USP34: variants seen among roughly 807,000 people sequenced by gnomAD.
USP34 encodes ubiquitin specific peptidase 34.
In USP34, 70 loss-of-function variants were observed where a neutral mutation model predicts 460.3. The ratio of observed to expected loss-of-function variants is 0.15; its 90% CI spans 0.13 to 0.19. The LOEUF is 0.19. Among genes scored for constraint, USP34 ranks in the 10% least tolerant of loss-of-function variants. The probability of loss-of-function intolerance (pLI) is 1.00; values close to 1 mark genes in which losing one functional copy is unlikely to be tolerated. For missense variants in USP34, 3,985 were observed against 4,236.2 expected, an observed-to-expected ratio of 0.94 and a Z score of 1.65; for synonymous variants, 1,647 against 1,405.3, an observed-to-expected ratio of 1.17 and a Z score of -3.85.
At chr2:61,459,861 A>G (rs1264045600) in intron 1 of USP34, among the ~76,000 whole-genome samples, 1 of 152,038 alleles carries the variant, frequency 6.6e-6, no homozygotes, top group African/African-American at 2.4e-5. Context: ...GGAGATCAAG[A>G]CCATCCTGAT....
At chr2:61,325,349 T>A (rs2593624) in intron 21 of USP34, 26 bp downstream of exon 21, 985,836 of 1,454,334 alleles carry the variant, frequency 0.68, 336,714 homozygotes, top group South Asian at 0.79. Flanking sequence ...AACAGATTTT[T>A]AAAAAGTACT....
intron 62 of USP34, among the ~76,000 whole-genome samples, chr2:61,226,429 G>A (rs529602025): frequency 6.6e-6 from 1 of 152,078 alleles, no homozygotes; most frequent in East Asian, 1.9e-4. Flanking sequence ...AATGAGGTTT[G>A]GTTGTACATA....
At chr2:61,342,471 AT>A (rs111228767) in intron 16 of USP34, among the ~76,000 whole-genome samples, 140 of 143,348 alleles carry the variant, frequency 9.8e-4, no homozygotes, top group Middle Eastern at 3.6e-3. Context: ...CAGCTAATTT[AT>A]TTTTTTTTTT....
chr2:61,190,617 A>T lies in USP34; in HGVS notation c.9630T>A (p.Asp3210Glu), dbSNP rs1308822944. 9.3e-6 allele frequency: 15 copies of T among 1,613,892 alleles called. No individual in the cohort carries two copies. The Admixed American group carries it at 2.3e-4, about 25-fold the overall frequency. ...SKNCIKLLCE[D>E]PVFAEYIKCI... is the part of the protein sequence containing the mutation. The stretch of plus-strand genomic sequence containing the variant: ...ATTTAATATATTCTGCGAAAACAGG[A>T]TCTTCACACAAAAGCTTGATGCAGT... The change falls in exon 77 of 80, where the codon GAT (aspartate) becomes GAA (glutamate). Residue 3210 changes from aspartate to glutamate, a missense_variant. This residue lies in a region of USP34 where 506 missense variants were observed against 439.0 expected (regional missense o/e 1.15). Transcript: ENST00000398571.
intron 13 of USP34, 125 bp downstream of exon 13, chr2:61,349,125 T>C (rs749113033): frequency 6.2e-5 from 76 of 1,227,344 alleles, no homozygotes; most frequent in Non-Finnish European, 8.1e-5. Flanking sequence ...TGTTAAAGGT[T>C]TACATCTCCT....
chr2:61,353,146 G>T (rs1042852557), intron 10 of USP34, among the ~76,000 whole-genome samples: 2 of 152,294 alleles, frequency 1.3e-5, no homozygotes, highest in Admixed American at 1.3e-4. Flanking sequence ...CTGGAGACAG[G>T]TGGGCAGTAA....
In USP34 at chr2:61,341,003, C is replaced by A. The variant is rs527971630; in HGVS notation, c.2501-1322G>T. Among the ~76,000 whole-genome samples the A allele has an allele frequency of 1.1e-3, 166 of 152,104 alleles. 1 individual carries two copies. The highest frequency in any genetic ancestry group is 3.8e-3 in the African/African-American group (157 of 41,518). On this transcript the variant is annotated intron_variant, in intron 16 of 79. Coordinates refer to ENST00000398571, the MANE Select transcript of USP34 (RefSeq NM_014709.4). ...GTGATCCTTTACAATCAGTCCCCAC[C>A]CTCAAGCCCTAGGCAATGATTGAGG...
intron 1 of USP34, among the ~76,000 whole-genome samples, chr2:61,445,222 TAAA>T (rs57854651): frequency 2.5e-5 from 1 of 40,656 alleles, no homozygotes; most frequent in African/African-American, 1.1e-4. Context: ...AGAACCACAC[TAAA>T]AAAAAAAAAA....
chr2:61,396,733 C>G (rs1331463361), intron 3 of USP34, among the ~76,000 whole-genome samples: 1 of 152,126 alleles, frequency 6.6e-6, no homozygotes, highest in Non-Finnish European at 1.5e-5. Context: ...CATGATCCAC[C>G]CGCCTCGGCC....
At chr2:61,219,784 A>C (rs1281321639) in intron 67 of USP34, among the ~76,000 whole-genome samples, 1 of 152,126 alleles carries the variant, frequency 6.6e-6, no homozygotes, top group Non-Finnish European at 1.5e-5. Flanking sequence ...TATAATAAGA[A>C]ATTTAAAAAT....
chr2:61,293,280 CTGA>C (rs1413027672), intron 33 of USP34, among the ~76,000 whole-genome samples, 181 bp downstream of exon 33: 1 of 152,044 alleles, frequency 6.6e-6, no homozygotes, highest in African/African-American at 2.4e-5. Context: ...TTTTTTAATA[CTGA>C]TAACATGAAA....
Position 61,394,895 on chromosome 2 carries a change from C to A in USP34, c.711G>T (p.Leu237Phe). 6.3e-7 allele frequency: 1 copy of A among 1,597,716 alleles called. No homozygotes were observed. Among genetic ancestry groups the A allele is most frequent in the Non-Finnish European group, 8.5e-7 (1 of 1,174,724 alleles). ...DCFEYGTPET[L>F]PFLIAHAFIT... ...TAAACGCATGTGCTATAAGAAATGG[C>A]AAAGTTTCAGGAGTTCCATATTCAA... Residue 237 changes from leucine to phenylalanine, a missense_variant, in exon 5 of 80, where the codon TTG becomes TTT. By Grantham distance (22) the Leu-to-Phe change is conservative. Around this residue, in one of 14 missense-constraint regions of USP34, gnomAD observed 331 missense variants for 293.7 expected, o/e 1.13. Transcript: ENST00000398571.
chr2:61,455,355 T>C (rs1695406286), intron 1 of USP34, among the ~76,000 whole-genome samples: 1 of 151,988 alleles, frequency 6.6e-6, no homozygotes. Context: ...GTTTTTGTAT[T>C]ATAATAGAGA....
Position 61,339,569 on chromosome 2 carries a change from A to T in USP34, c.2613T>A (p.Asp871Glu). ...CTGGTTCTATTAAATAACTTACTGC[A>T]TCTTCATCTTGGACTATATCCCACA... ...TLLWDIVQDE[D>E]AVNLSEGLIN... is the part of the protein sequence containing the mutation. The change falls in exon 17 of 80, where the codon GAT (aspartate) becomes GAA (glutamate). Residue 871 changes from aspartate to glutamate, a missense_variant. Asp to Glu is a conservative substitution (Grantham distance 45). Coordinates refer to ENST00000398571, the MANE Select transcript of USP34 (RefSeq NM_014709.4). 6.4e-7 allele frequency: 1 copy of T among 1,569,682 alleles called. No individual in the cohort carries two copies. The highest frequency in any genetic ancestry group is 8.6e-7 in the Non-Finnish European group (1 of 1,165,182).
intron 5 of USP34, among the ~76,000 whole-genome samples, chr2:61,385,316 AG>A (rs1239772341): frequency 6.6e-6 from 1 of 152,196 alleles, no homozygotes; most frequent in Non-Finnish European, 1.5e-5. Context: ...CAATCCAAAA[AG>A]GTTTACATGC....
At chr2:61,283,809 G>C (rs984205688) in intron 35 of USP34, among the ~76,000 whole-genome samples, 1 of 152,074 alleles carries the variant, frequency 6.6e-6, no homozygotes, top group African/African-American at 2.4e-5. Context: ...TATATTTTAA[G>C]AGAGCTCCAT....
At chr2:61,397,643 G>A (rs1265728328) in intron 3 of USP34, among the ~76,000 whole-genome samples, 2 of 152,260 alleles carry the variant, frequency 1.3e-5, no homozygotes, top group East Asian at 3.9e-4. Flanking sequence ...GCTCACGCCT[G>A]TAATCCCAGC....
At chr2:61,293,431 T>C (rs1237661675) in intron 33 of USP34, 33 bp downstream of exon 33, 5 of 1,543,186 alleles carry the variant, frequency 3.2e-6, no homozygotes, top group Non-Finnish European at 4.5e-6. Context: ...GGATAACTAC[T>C]GTAACTAGTT....
chr2:61,440,460 G>A (rs973554343), intron 1 of USP34, among the ~76,000 whole-genome samples: 24 of 152,014 alleles, frequency 1.6e-4, no homozygotes, highest in African/African-American at 5.8e-4. Context: ...TGCTGCAGAG[G>A]GAATTTCTCT....
Sources: allele counts gnomAD v4.1 joint callset (sites outside exome capture counted in the v4.1 genomes callset), GRCh38; gene constraint gnomAD v4.1.1; regional missense constraint gnomAD v4.1.1; transcripts MANE v1.5; gene names NCBI Gene and HGNC (gene_info 2026-07-23, HGNC 2026-07-21).